RIMS2: variants seen among roughly 807,000 people sequenced by gnomAD.
The protein encoded by RIMS2 is regulating synaptic membrane exocytosis protein 2.
In RIMS2, 59 loss-of-function variants were observed where a neutral mutation model predicts 174.4. That is an observed-to-expected ratio of 0.34 (90% confidence interval 0.27 to 0.42). The LOEUF is 0.42. Among genes scored for constraint, RIMS2 ranks in the 10% least tolerant of loss-of-function variants. The pLI, the probability that RIMS2 is intolerant of heterozygous loss-of-function variation, is 1.00. For synonymous variants in RIMS2, 606 were observed against 572.5 expected, an observed-to-expected ratio of 1.06 and a Z score of -0.84; for missense variants, 1,620 against 1,666.3, an observed-to-expected ratio of 0.97 and a Z score of 0.48.
chr8:103,814,876 A>T (rs111560217), intron 3 of RIMS2, among the ~76,000 whole-genome samples: 1 of 152,186 alleles, frequency 6.6e-6, no homozygotes, highest in Admixed American at 6.5e-5. Flanking sequence ...ACTGATATAG[A>T]AGGGGAGAAA....
chr8:104,247,893 G>A (rs1250986522), intron 20 of RIMS2, among the ~76,000 whole-genome samples: 1 of 152,184 alleles, frequency 6.6e-6, no homozygotes, highest in Non-Finnish European at 1.5e-5. Context: ...GACTGGATGA[G>A]ATTATCAAGG....
chr8:103,872,392 C>T (rs919197597), intron 3 of RIMS2, among the ~76,000 whole-genome samples: 1 of 152,124 alleles, frequency 6.6e-6, no homozygotes, highest in Admixed American at 6.6e-5. Context: ...TACTAATGAG[C>T]GTAGATGTCT....
chr8:103,676,393 A>G lies in RIMS2; in HGVS notation c.177-20693A>G, dbSNP rs573251167. Among the ~76,000 whole-genome samples the G allele has an allele frequency of 7.2e-5, 11 of 152,270 alleles. 1 individual carries two copies. In the South Asian group the frequency reaches 1.7e-3, roughly 23 times the overall value. Reference sequence around the variant, plus strand: ...GGGCAAAGAAAGCCTTTATGCCTGGATTTAGCATGTATAGCTCTTAAAAAG... The same window carrying G: ...GGGCAAAGAAAGCCTTTATGCCTGGGTTTAGCATGTATAGCTCTTAAAAAG... On this transcript the variant is annotated intron_variant, in intron 1 of 23. Transcript: ENST00000504942.
intron 3 of RIMS2, among the ~76,000 whole-genome samples, chr8:103,771,917 G>A (rs115278556): frequency 0.01 from 1,553 of 151,956 alleles, 24 homozygotes; most frequent in African/African-American, 0.033. Flanking sequence ...AAATGATGAC[G>A]CTTAATGAAA....
In RIMS2 at chr8:103,754,090, A is replaced by T. The variant is rs143065915; in HGVS notation, c.388-12137A>T. 3.6e-3 allele frequency among the ~76,000 whole-genome samples: 549 copies of T among 152,206 alleles called. 4 individuals carry two copies. Among genetic ancestry groups the T allele is most frequent in the African/African-American group, 0.012 (515 of 41,528 alleles). ...TAGTGCTATAAATTTCCCTCTACAC[A>T]CTGCTTTAAGTGTGTCCCAGAGATT... On this transcript the variant is annotated intron_variant, in intron 2 of 23. Coordinates refer to ENST00000504942, the Ensembl canonical transcript of RIMS2.
rs1353261482 is a variant in RIMS2, at chr8:103,749,144, CT to C, written c.388-17082del. 2.1e-5 allele frequency among the ~76,000 whole-genome samples: 3 copies of C among 145,428 alleles called. No homozygotes were observed. In the East Asian group the frequency reaches 6.2e-4, roughly 30 times the overall value. On this transcript the variant is annotated intron_variant, in intron 2 of 23. Transcript: ENST00000504942. ...TTTTCTTTTTTGAGACGGGGTCTCC[CT>C]CTGTTGTCCAGGCTGTAGTGCAGTG...
At chr8:103,863,579 T>C (rs1228423121) in intron 3 of RIMS2, among the ~76,000 whole-genome samples, 1 of 150,766 alleles carries the variant, frequency 6.6e-6, no homozygotes, top group Non-Finnish European at 1.5e-5. Context: ...TCCTGGGCTT[T>C]TTTTATTGTT....
At chr8:103,807,861 C>G (rs974331510) in intron 3 of RIMS2, among the ~76,000 whole-genome samples, 1 of 152,120 alleles carries the variant, frequency 6.6e-6, no homozygotes, top group Non-Finnish European at 1.5e-5. Context: ...ATCCTGATCT[C>G]TGTCCATATT....
chr8:103,740,588 T>G (rs1260344929), intron 2 of RIMS2, among the ~76,000 whole-genome samples: 1 of 152,214 alleles, frequency 6.6e-6, no homozygotes, highest in Non-Finnish European at 1.5e-5. Flanking sequence ...GACATTGATC[T>G]TGAAATATGT....
At chr8:104,054,166 A>G (rs1168547267) in intron 19 of RIMS2, among the ~76,000 whole-genome samples, 1 of 152,170 alleles carries the variant, frequency 6.6e-6, no homozygotes, top group Non-Finnish European at 1.5e-5. Context: ...TCTTAATCTG[A>G]GAGTAACCCC....
At chr8:103,560,418 T>C (rs907894588) in intron 1 of RIMS2, among the ~76,000 whole-genome samples, 7 of 152,130 alleles carry the variant, frequency 4.6e-5, no homozygotes, top group African/African-American at 1.7e-4. Context: ...TTAGACTTGA[T>C]CTTATCTATC....
chr8:104,209,816 G>A (rs1157948178), intron 19 of RIMS2, among the ~76,000 whole-genome samples: 2 of 152,148 alleles, frequency 1.3e-5, no homozygotes, highest in Non-Finnish European at 2.9e-5. Context: ...TAAAGTTGCA[G>A]TTATACTGAT....
chr8:103,514,446 T>C (rs1343632997), intron 1 of RIMS2, among the ~76,000 whole-genome samples: 2 of 152,190 alleles, frequency 1.3e-5, no homozygotes, highest in Non-Finnish European at 2.9e-5. Context: ...ATTGGGGGCA[T>C]CTACATGAAA....
intron 1 of RIMS2, among the ~76,000 whole-genome samples, chr8:103,551,485 C>T (rs925239330): frequency 6.6e-6 from 1 of 152,126 alleles, no homozygotes; most frequent in African/African-American, 2.4e-5. Flanking sequence ...AAACTCACAG[C>T]CAATATCATA....
At chr8:104,255,815 TGAAATGTGTATTGA>T (rs1323091700), downstream of RIMS2, 93 of 152,338 alleles carry the variant, frequency 6.1e-4, 1 homozygote, top group African/African-American at 2.0e-3. Flanking sequence ...CTCTGGACTG[TGAAATGTGTATTGA>T]GAAATACTTT....
chr8:103,938,089 G>A (rs1027055364), intron 13 of RIMS2, among the ~76,000 whole-genome samples: 2 of 152,104 alleles, frequency 1.3e-5, no homozygotes, highest in African/African-American at 4.8e-5. Context: ...AAAATGGTTC[G>A]ATTGTACTTG....
At chr8:104,223,082 G>C (rs1439110675) in intron 19 of RIMS2, among the ~76,000 whole-genome samples, 3 of 152,206 alleles carry the variant, frequency 2.0e-5, no homozygotes, top group Admixed American at 2.0e-4. Flanking sequence ...GTGACTACCA[G>C]AAATTTACCG....
At chr8:103,819,598 G>T in intron 3 of RIMS2, 1 of 1,613,380 alleles carries the variant, frequency 6.2e-7, no homozygotes, top group Non-Finnish European at 8.5e-7. Context: ...CTTACAAAAT[G>T]AGCTTTTTGG....
At chr8:103,661,427 A>G (rs1335474841) in intron 1 of RIMS2, among the ~76,000 whole-genome samples, 1 of 152,198 alleles carries the variant, frequency 6.6e-6, no homozygotes, top group African/African-American at 2.4e-5. Context: ...ACTTCAAAAT[A>G]CTTTAAAATA....
Sources: allele counts gnomAD v4.1 joint callset (sites outside exome capture counted in the v4.1 genomes callset), GRCh38; gene constraint gnomAD v4.1.1; transcripts MANE v1.5; gene names NCBI Gene and HGNC (gene_info 2026-07-23, HGNC 2026-07-21).